TLE1: variants seen among roughly 807,000 people sequenced by gnomAD.
TLE1 encodes the protein transducin-like enhancer protein 1.
In TLE1, 21 loss-of-function variants were observed where a neutral mutation model predicts 89.8. The ratio of observed to expected loss-of-function variants is 0.23; its 90% CI spans 0.17 to 0.34. TLE1 has a LOEUF of 0.34. Ranked by LOEUF, TLE1 falls within the 10% of genes least tolerant of loss-of-function variation. The probability of loss-of-function intolerance (pLI) is 1.00; values close to 1 mark genes in which losing one functional copy is unlikely to be tolerated. For missense variants in TLE1, 795 were observed against 1,031.2 expected, an observed-to-expected ratio of 0.77 and a Z score of 3.14; for synonymous variants, 447 against 407.6, an observed-to-expected ratio of 1.10 and a Z score of -1.16.
At chr9:81,646,355 TA>T (rs1828861612) in intron 6 of TLE1, among the ~76,000 whole-genome samples, 1 of 152,176 alleles carries the variant, frequency 6.6e-6, no homozygotes, top group Non-Finnish European at 1.5e-5. Context: ...TTCGGAAATT[TA>T]ATAAAAGGGC....
chr9:81,604,172 G>A (rs1309289313), intron 14 of TLE1, among the ~76,000 whole-genome samples: 1 of 152,162 alleles, frequency 6.6e-6, no homozygotes, highest in African/African-American at 2.4e-5. Context: ...CTCAGGCCCA[G>A]CGGCAGACTC....
intron 8 of TLE1, among the ~76,000 whole-genome samples, chr9:81,626,236 A>C (rs575481206): frequency 6.6e-6 from 1 of 152,230 alleles, no homozygotes; most frequent in Admixed American, 6.5e-5. Context: ...GAAACTCGTG[A>C]CACCTCATTT....
intron 6 of TLE1, among the ~76,000 whole-genome samples, chr9:81,640,066 G>C (rs550886501): frequency 6.6e-6 from 1 of 152,056 alleles, no homozygotes; most frequent in African/African-American, 2.4e-5. Flanking sequence ...AATGCTACTG[G>C]TGCATCTAAT....
At chr9:81,585,175 C>T (rs1396585932) in intron 18 of TLE1, among the ~76,000 whole-genome samples, 2 of 152,122 alleles carry the variant, frequency 1.3e-5, no homozygotes, top group Admixed American at 6.6e-5. Flanking sequence ...CTCATAATGA[C>T]TTCCACTGCC....
rs1829789690 is a variant in TLE1 at position 81,593,277 on chromosome 9, T to G, written c.1332-3A>C. 1 of 1,601,208 alleles carries G rather than the reference T, an allele frequency of 6.2e-7. No individual in the cohort carries two copies. The highest frequency in any genetic ancestry group is 1.3e-5 in the African/African-American group (1 of 74,618). On this transcript the variant is annotated splice_region_variant and splice_polypyrimidine_tract_variant and intron_variant, in intron 14 of 19. Coordinates refer to ENST00000376499, the MANE Select transcript of TLE1 (RefSeq NM_005077.5). ...CAGTAACGTGGAAGGAGTATGCACT[T>G]TTGGAAAAACGATTGGAGAGAAGAC...
In TLE1 at chr9:81,595,699, G is replaced by T. The variant is rs1240589416; in HGVS notation, c.1332-2425C>A. 4.6e-5 allele frequency among the ~76,000 whole-genome samples: 7 copies of T among 151,728 alleles called. No individual in the cohort carries two copies. The East Asian group carries it at 1.4e-3, about 30-fold the overall frequency. On this transcript the variant is annotated intron_variant, in intron 14 of 19. Coordinates refer to ENST00000376499, the MANE Select transcript of TLE1 (RefSeq NM_005077.5). ...CCGGGTATGGTGGCGGGCGCTTGTA[G>T]TCCCAGCTACTCGGGAGGCTGAGGC...
At chr9:81,664,552 G>C (rs186017622) in intron 4 of TLE1, among the ~76,000 whole-genome samples, 1 of 152,080 alleles carries the variant, frequency 6.6e-6, no homozygotes, top group South Asian at 2.1e-4. Flanking sequence ...CACATTTTGG[G>C]GAAATCCAAA....
At chr9:81,652,996 C>T (rs1829744670) in intron 5 of TLE1, among the ~76,000 whole-genome samples, 3 of 151,992 alleles carry the variant, frequency 2.0e-5, no homozygotes, top group African/African-American at 7.3e-5. Context: ...AAACTCACCC[C>T]ACACCTCCCA....
chr9:81,669,610 C>T (rs886976646), intron 4 of TLE1, among the ~76,000 whole-genome samples: 3 of 150,106 alleles, frequency 2.0e-5, no homozygotes, highest in Non-Finnish European at 4.5e-5. Flanking sequence ...ACACCTCCAC[C>T]CTCCCCCCCC....
chr9:81,660,256 C>G lies in TLE1; in HGVS notation c.235-6220G>C, dbSNP rs573217369. 4.6e-5 allele frequency among the ~76,000 whole-genome samples: 7 copies of G among 151,558 alleles called. No homozygotes were observed. In the East Asian group the frequency reaches 1.4e-3, roughly 30 times the overall value. The stretch of plus-strand genomic sequence containing the variant: ...AAAGTCATGCCTCAATGAACCAAAA[C>G]TTAATCTCCATGCACCCCTAAATTC... On this transcript the variant is annotated intron_variant, in intron 4 of 19. Transcript: ENST00000376499.
At chr9:81,632,534 A>G (rs534541252) in intron 8 of TLE1, among the ~76,000 whole-genome samples, 11 of 149,906 alleles carry the variant, frequency 7.3e-5, no homozygotes, top group African/African-American at 2.7e-4. Flanking sequence ...CTATGTTCAG[A>G]AAGAAGGAGG....
At chr9:81,653,460 T>C (rs191415313) in intron 5 of TLE1, among the ~76,000 whole-genome samples, 3 of 152,288 alleles carry the variant, frequency 2.0e-5, no homozygotes, top group East Asian at 1.9e-4. Context: ...CTCTATGACT[T>C]TGTAACTAAA....
At chr9:81,684,750 G>A (rs1834049920) in intron 4 of TLE1, among the ~76,000 whole-genome samples, 1 of 152,180 alleles carries the variant, frequency 6.6e-6, no homozygotes, top group Admixed American at 6.5e-5. Context: ...AATTTTTTAA[G>A]AGGCAATCGA....
At chr9:81,675,612 A>G (rs1447175340) in intron 4 of TLE1, among the ~76,000 whole-genome samples, 1 of 152,172 alleles carries the variant, frequency 6.6e-6, no homozygotes, top group Admixed American at 6.5e-5. Context: ...CACTCTTCCA[A>G]AAGAAAAACT....
intron 9 of TLE1, among the ~76,000 whole-genome samples, chr9:81,619,418 A>G (rs192831302): frequency 5.9e-5 from 9 of 152,212 alleles, no homozygotes; most frequent in African/African-American, 1.7e-4. Flanking sequence ...CTGGGATGTT[A>G]TAAGAGTTAA....
intron 4 of TLE1, among the ~76,000 whole-genome samples, chr9:81,675,697 A>ATTTTTTTT (rs1832783096): frequency 6.0e-5 from 6 of 99,806 alleles, no homozygotes; most frequent in African/African-American, 9.7e-5. Flanking sequence ...GACTCACACT[A>ATTTTTTTT]GTTTTTTTTT....
At chr9:81,682,070 A>G (rs1290710813) in intron 4 of TLE1, among the ~76,000 whole-genome samples, 2 of 151,348 alleles carry the variant, frequency 1.3e-5, no homozygotes, top group African/African-American at 4.9e-5. Flanking sequence ...CATGGGTGAA[A>G]CCCTCTCTCT....
chr9:81,645,699 C>T (rs1024395099), intron 6 of TLE1, among the ~76,000 whole-genome samples: 1 of 152,026 alleles, frequency 6.6e-6, no homozygotes, highest in Non-Finnish European at 1.5e-5. Flanking sequence ...GAGATCAAGC[C>T]ACTGCACTCC....
At chr9:81,610,764 A>G (rs1158170171) in intron 13 of TLE1, among the ~76,000 whole-genome samples, 1 of 102,026 alleles carries the variant, frequency 9.8e-6, no homozygotes, top group East Asian at 3.0e-4. Flanking sequence ...ACCCCCAGTT[A>G]TGATAATCAA....
Sources: allele counts gnomAD v4.1 joint callset (sites outside exome capture counted in the v4.1 genomes callset), GRCh38; gene constraint gnomAD v4.1.1; transcripts MANE v1.5; gene names NCBI Gene and HGNC (gene_info 2026-07-23, HGNC 2026-07-21).